The following TOP1MT variants were observed in gnomAD, a reference collection of about 807,000 sequenced individuals.
TOP1MT encodes the protein DNA topoisomerase I mitochondrial.
A neutral mutation model predicts 73.9 loss-of-function variants in TOP1MT; 80 were observed. That is an observed-to-expected ratio of 1.08 (90% CI 0.90 to 1.30). The LOEUF (loss-of-function observed/expected upper bound fraction) is 1.30, where lower values mean the gene tolerates loss of function less well. Among genes scored for constraint, TOP1MT ranks in the 50% most tolerant of loss-of-function variants. The pLI, the probability that TOP1MT is intolerant of heterozygous loss-of-function variation, is 0.00. For missense variants in TOP1MT, 815 were observed against 808.0 expected, an observed-to-expected ratio of 1.01 and a Z score of -0.10; for synonymous variants, 338 against 326.4, an observed-to-expected ratio of 1.04 and a Z score of -0.38.
upstream of TOP1MT, chr8:143,335,022 G>A (rs1816959015): frequency 1.4e-6 from 1 of 695,786 alleles, no homozygotes; most frequent in Non-Finnish European, 1.9e-6. Context: ...GCGGCAGCAG[G>A]ACCACTGACT....
At position 143,309,414 on chromosome 8, in the gene TOP1MT, C is replaced by A. The variant is rs774381422; in HGVS notation, c.*27G>T. 1.2e-6 allele frequency: 2 copies of A among 1,609,008 alleles called. No homozygotes were observed. Among genetic ancestry groups the A allele is most frequent in the Non-Finnish European group, 1.7e-6 (2 of 1,177,406 alleles). ...ATAGTGAAAAAAACACACACACATACAAAAGAAGTTTCAACACGGCTCGTC... is the reference window on the plus strand; with the variant it reads ...ATAGTGAAAAAAACACACACACATAAAAAAGAAGTTTCAACACGGCTCGTC... On this transcript the variant is annotated 3_prime_UTR_variant, in exon 14 of 14. Transcript: ENST00000329245.
upstream of TOP1MT, among the ~76,000 whole-genome samples, chr8:143,348,464 C>T (rs1396612808): frequency 1.3e-5 from 2 of 152,272 alleles, no homozygotes; most frequent in Non-Finnish European, 2.9e-5. This position sits in a 1 kb window ranked among gnomAD's most constrained non-coding sequence, Gnocchi z 4.6. Context: ...CACCCCCCAC[C>T]GACCTCCCCC....
At chr8:143,336,411 C>T (rs1586776177), upstream of TOP1MT, among the ~76,000 whole-genome samples, 1 of 152,258 alleles carries the variant, frequency 6.6e-6, no homozygotes, top group East Asian at 1.9e-4. Flanking sequence ...ATGGAAAACC[C>T]ACTCAAGAAC....
chr8:143,320,515 C>T (rs572274125), intron 8 of TOP1MT, among the ~76,000 whole-genome samples: 60 of 152,364 alleles, frequency 3.9e-4, no homozygotes, highest in African/African-American at 1.4e-3. Flanking sequence ...GATCCTCCCA[C>T]CTCAGCCTCC....
Position 143,329,168 on chromosome 8 carries a change from G to A in TOP1MT, c.360+182C>T, listed in dbSNP as rs181823995. On this transcript the variant is annotated intron_variant, in intron 3 of 13. Transcript: ENST00000329245. ...TATGGTCCCAGCTACTCAGGAGGCC[G>A]AGACAGGAGGATGGCTTGAGCCCAG... is the stretch of plus-strand genomic sequence containing the variant. Among the ~76,000 whole-genome samples, 593 of 152,250 alleles carry A rather than the reference G, an allele frequency of 3.9e-3. 11 individuals carry two copies. The highest frequency in any genetic ancestry group is 0.013 in the East Asian group (69 of 5,176).
At chr8:143,331,913 G>T in intron 1 of TOP1MT, 1 of 159,408 alleles carries the variant, frequency 6.3e-6, no homozygotes. Context: ...GGGCAGGGAG[G>T]GGAGGCCCTG....
chr8:143,329,564 G>A, intron 2 of TOP1MT, 93 bp from the exon 3 acceptor site: 1 of 1,445,236 alleles, frequency 6.9e-7, no homozygotes, highest in South Asian at 1.3e-5. Flanking sequence ...ACGCTTTCGT[G>A]CGTACTATGC....
chr8:143,313,334 C>T (rs9801717), intron 12 of TOP1MT, among the ~76,000 whole-genome samples: 76,309 of 150,686 alleles, frequency 0.51, 20,648 homozygotes, highest in East Asian at 0.76. Flanking sequence ...GTGGATCACC[C>T]GAGGTCAGGA....
At chr8:143,351,608 A>G (rs1817322493) in intron 1 of TOP1MT, among the ~76,000 whole-genome samples, 1 of 152,088 alleles carries the variant, frequency 6.6e-6, no homozygotes. Flanking sequence ...AAAGAAAAGG[A>G]AAGTAAAACA....
rs1055653307 is a variant in TOP1MT at position 143,315,980 on chromosome 8, C to T, written c.1458+19G>A. The T allele has an allele frequency of 1.4e-5, 22 of 1,613,942 alleles. No individual in the cohort carries two copies. The highest frequency in any genetic ancestry group is 1.7e-5 in the Non-Finnish European group (20 of 1,179,974). ...GGTCCCTTGAGGGCTGGGCTGGGGG[C>T]TCTCCTGGGAGCTGCTACCTTCGTC... On this transcript the variant is annotated intron_variant, in intron 11 of 13. Coordinates refer to ENST00000329245, the MANE Select transcript of TOP1MT (RefSeq NM_052963.3).
intron 10 of TOP1MT, 139 bp from the exon 11 acceptor site, chr8:143,316,265 C>T (rs1816160586): frequency 7.3e-7 from 1 of 1,370,640 alleles, no homozygotes; most frequent in Admixed American, 1.9e-5. Flanking sequence ...AGAGTGAGGG[C>T]CAAGGGTCAG....
rs202014400 is a variant in TOP1MT at position 143,316,026 on chromosome 8, C to T, written c.1431G>A (p.Glu477=). Residue 477 remains glutamate (E), a synonymous_variant, in exon 11 of 14, where the codon GAG becomes GAA. Transcript: ENST00000329245. Reference sequence around the variant, plus strand: ...TCGTCTGGAGATTCTGCATCGACTTCTCGAACGTACTGGGGGTTGCTCGCT... The same window carrying T: ...TCGTCTGGAGATTCTGCATCGACTTTTCGAACGTACTGGGGGTTGCTCGCT... ...NHQRATPSTF[E]KSMQNLQTKI... 7.6e-5 allele frequency: 122 copies of T among 1,614,174 alleles called. No individual in the cohort carries two copies. Among genetic ancestry groups the T allele is most frequent in the Admixed American group, 4.3e-4 (26 of 60,032 alleles).
At chr8:143,342,677 TATTATTATTATTATTATTA>T (rs1449431744) in intron 2 of TOP1MT, among the ~76,000 whole-genome samples, 774 of 15,468 alleles carry the variant, frequency 0.05, 3 homozygotes, top group Non-Finnish European at 0.059. Context: ...AGTCTCGCTC[TATTATTATTATTATTATTA>T]GAGACAGAGT....
chr8:143,323,955 A>T (rs1189542582), intron 7 of TOP1MT, 44 bp downstream of exon 7: 1 of 1,605,142 alleles, frequency 6.2e-7, no homozygotes, highest in Admixed American at 1.7e-5. Context: ...CCTCGCCAGG[A>T]GAACCAGGAT....
At chr8:143,352,603 G>C (rs983479877) in intron 1 of TOP1MT, among the ~76,000 whole-genome samples, 1 of 152,206 alleles carries the variant, frequency 6.6e-6, no homozygotes, top group Non-Finnish European at 1.5e-5. Flanking sequence ...AAATCTTTAT[G>C]ACCCTGAATT....
chr8:143,310,440 G>A, intron 12 of TOP1MT: 1 of 424,898 alleles, frequency 2.4e-6, no homozygotes, highest in South Asian at 5.9e-5. Context: ...GGCGGAGGGT[G>A]AGCAGCCCGT....
At chr8:143,321,535 A>T (rs1387476851) in intron 7 of TOP1MT, 149 bp from the exon 8 acceptor site, 1 of 590,418 alleles carries the variant, frequency 1.7e-6, no homozygotes, top group African/African-American at 2.4e-5. Context: ...CACGCCACAC[A>T]CACGCACGCC....
At chr8:143,316,177 C>G in intron 10 of TOP1MT, 51 bp from the exon 11 acceptor site, 2 of 1,612,344 alleles carry the variant, frequency 1.2e-6, no homozygotes, top group Non-Finnish European at 1.7e-6. Flanking sequence ...GGCCACCCTC[C>G]CTGTCTGCCC....
Position 143,322,314 on chromosome 8 carries a change from G to A in TOP1MT, c.961-928C>T, listed in dbSNP as rs369011184. 2.7e-4 allele frequency among the ~76,000 whole-genome samples: 11 copies of A among 41,310 alleles called. No homozygotes were observed. In the South Asian group the frequency reaches 4.6e-3, roughly 17 times the overall value. The allele number at this position is 41,310 out of a possible 152,430, so 27.1% of individuals were successfully genotyped here. A position where few individuals can be genotyped will look rare whatever the true frequency, so the allele number is the denominator to read the frequency against. On this transcript the variant is annotated intron_variant, in intron 7 of 13. Coordinates refer to ENST00000329245, the MANE Select transcript of TOP1MT (RefSeq NM_052963.3). ...ACATGCACGCCACACCCACAGGCAC[G>A]CCATACAGATGCATGCCACACACAC...
Sources: gnomAD v4.1 joint callset for allele counts (sites outside exome capture counted in the v4.1 genomes callset) on GRCh38, gnomAD v4.1.1 for gene constraint, Gnocchi (gnomAD v3.1) non-coding constraint, MANE v1.5 for transcripts, NCBI Gene and HGNC (gene_info 2026-07-23, HGNC 2026-07-21) for gene names.